The following TXNDC15 variants were observed in gnomAD, a reference collection of about 807,000 sequenced individuals.
TXNDC15 encodes the protein thioredoxin domain containing 15.
In TXNDC15, 24 loss-of-function variants were observed where a neutral mutation model predicts 35.0. The observed-to-expected ratio is 0.68, with a 90% CI of 0.50 to 0.96. The LOEUF (loss-of-function observed/expected upper bound fraction) is 0.96, where lower values mean the gene tolerates loss of function less well. TXNDC15 is among the 40% of genes least tolerant of loss of function. The pLI is 0.00. For synonymous variants in TXNDC15, 169 were observed against 174.0 expected (o/e 0.97, Z 0.23); for missense variants, 385 against 453.3 (o/e 0.85, Z 1.37).
At chr5:134,883,587 C>CAAAAAAAAAAAAAAAAAAAAAAAAA (rs60114636) in intron 1 of TXNDC15, among the ~76,000 whole-genome samples, 6 of 65,382 alleles carry the variant, frequency 9.2e-5, no homozygotes, top group African/African-American at 3.8e-4. Flanking sequence ...GACCCTGTCT[C>CAAAAAAAAAAAAAAAAAAAAAAAAA]AAAAAAAAAA....
intron 2 of TXNDC15, among the ~76,000 whole-genome samples, chr5:134,888,683 T>C (rs996054599): frequency 7.2e-5 from 11 of 152,158 alleles, no homozygotes; most frequent in Non-Finnish European, 1.0e-4. Flanking sequence ...GGTTTCACCA[T>C]GTTGGCCAGG....
chr5:134,889,870 T>TA (rs1383579597), intron 2 of TXNDC15, among the ~76,000 whole-genome samples: 1 of 152,238 alleles, frequency 6.6e-6, no homozygotes, highest in Non-Finnish European at 1.5e-5. Flanking sequence ...GCATTATGTT[T>TA]AAAAAATGTA....
chr5:134,899,602 A>G lies in TXNDC15; in HGVS notation c.1000A>G (p.Ile334Val), dbSNP rs779961135. 1.2e-6 allele frequency: 2 copies of G among 1,613,922 alleles called. No homozygotes were observed. The highest frequency in any genetic ancestry group is 1.1e-5 in the South Asian group (1 of 91,008). ...GCTTGTATTTTCCTTATTCTTTTTA[A>G]TTAGTTTTATTATGTATGCTACCAT... is the stretch of plus-strand genomic sequence containing the variant. ...WLLVFSLFFL[I>V]SFIMYATIRT... Residue 334 changes from isoleucine (I) to valine (V), a missense_variant, in exon 5 of 5, where the codon ATT (isoleucine) becomes GTT (valine). By Grantham distance (29) the Ile-to-Val change is conservative (BLOSUM62 3). Coordinates refer to ENST00000358387, the MANE Select transcript of TXNDC15 (RefSeq NM_024715.4).
chr5:134,898,394 T>A (rs1394213126), intron 4 of TXNDC15, among the ~76,000 whole-genome samples: 2 of 152,220 alleles, frequency 1.3e-5, no homozygotes, highest in Non-Finnish European at 2.9e-5. Flanking sequence ...AAAAATTACC[T>A]CCATTGGAAA....
chr5:134,887,753 G>A lies in TXNDC15; in HGVS notation c.162G>A (p.Val54=), dbSNP rs17849505. The change falls in exon 2 of 5, where the codon GTG becomes GTA. Residue 54 remains valine (V), a synonymous_variant. Coordinates refer to ENST00000358387, the MANE Select transcript of TXNDC15 (RefSeq NM_024715.4). The part of the protein sequence containing the change: ...SEEQPAHPLQ[V]GAVYLGEEEL... ...AGCAGCCTGCTCACCCTCTCCAGGT[G>A]GGGGCTGTGTACCTGGGTGAGGAGG... The A allele has an allele frequency of 1.2e-6, 2 of 1,612,876 alleles. No homozygotes were observed. The highest frequency in any genetic ancestry group is 1.7e-6 in the Non-Finnish European group (2 of 1,178,978).
intron 3 of TXNDC15, 144 bp downstream of exon 3, chr5:134,893,799 G>C (rs1039732012): frequency 9.0e-6 from 10 of 1,112,634 alleles, no homozygotes; most frequent in Admixed American, 2.2e-5. Flanking sequence ...AGTGAATAGT[G>C]AGGATTATCA....
intron 1 of TXNDC15, among the ~76,000 whole-genome samples, chr5:134,879,862 C>T (rs1436556595): frequency 6.9e-6 from 1 of 144,484 alleles, no homozygotes; most frequent in Non-Finnish European, 1.5e-5. Context: ...TGGCGTGATT[C>T]TCGGCTCACT....
At chr5:134,885,961 C>G (rs1340175399) in intron 1 of TXNDC15, among the ~76,000 whole-genome samples, 1 of 152,196 alleles carries the variant, frequency 6.6e-6, no homozygotes, top group Non-Finnish European at 1.5e-5. Flanking sequence ...CCACAGAGCT[C>G]TATGCCCTAG....
intron 1 of TXNDC15, among the ~76,000 whole-genome samples, chr5:134,877,302 G>A (rs1750052370): frequency 6.6e-6 from 1 of 152,180 alleles, no homozygotes; most frequent in Admixed American, 6.5e-5. Flanking sequence ...AGGTGAGAGT[G>A]CAGACAGAGG....
At chr5:134,875,291 C>G in intron 1 of TXNDC15, 5 of 456,212 alleles carry the variant, frequency 1.1e-5, no homozygotes, top group South Asian at 7.7e-5. Context: ...AAAGTCCAGA[C>G]CCTCGGTCTC....
chr5:134,882,301 C>T (rs1580859704), intron 1 of TXNDC15, among the ~76,000 whole-genome samples: 1 of 151,372 alleles, frequency 6.6e-6, no homozygotes, highest in African/African-American at 2.4e-5. Context: ...CGGGAAGAGG[C>T]GCTCCTCATT....
intron 3 of TXNDC15, 90 bp downstream of exon 3, chr5:134,893,745 GA>G (rs781769848): frequency 4.4e-4 from 678 of 1,531,634 alleles, no homozygotes; most frequent in Non-Finnish European, 5.4e-4. Flanking sequence ...AGAAGCAGAA[GA>G]GGGGGGGCAT....
intron 1 of TXNDC15, 131 bp from the exon 2 acceptor site, chr5:134,887,564 C>T (rs1278829127): frequency 9.7e-6 from 11 of 1,134,330 alleles, no homozygotes; most frequent in Non-Finnish European, 2.5e-6. Context: ...GAGTAGCTCT[C>T]TGATAGTTTA....
intron 2 of TXNDC15, chr5:134,892,150 A>G (rs190043359): frequency 7.9e-5 from 12 of 152,032 alleles, no homozygotes; most frequent in African/African-American, 2.7e-4. Context: ...GTTCTGGGTA[A>G]GTTGTTGCAG....
chr5:134,883,939 C>T (rs1479094210), intron 1 of TXNDC15, among the ~76,000 whole-genome samples: 1 of 147,796 alleles, frequency 6.8e-6, no homozygotes, highest in Non-Finnish European at 1.5e-5. Flanking sequence ...GGAAAGAAAG[C>T]CAGGCGCGGT....
At position 134,899,189 on chromosome 5, in the gene TXNDC15, C is replaced by G. The variant is rs773313406; in HGVS notation, c.887-300C>G. Among the ~76,000 whole-genome samples the G allele has an allele frequency of 2.6e-4, 39 of 152,066 alleles. 1 individual carries two copies. The highest frequency in any genetic ancestry group is 5.9e-5 in the Non-Finnish European group (4 of 68,016). On this transcript the variant is annotated intron_variant, in intron 4 of 4. Coordinates refer to ENST00000358387, the MANE Select transcript of TXNDC15 (RefSeq NM_024715.4). ...TACTGAACTTTGGTCTCAAAAGACA[C>G]CAAAATACAACTCTTATAAACACAT...
At chr5:134,886,920 C>G (rs1202945199) in intron 1 of TXNDC15, among the ~76,000 whole-genome samples, 1 of 152,186 alleles carries the variant, frequency 6.6e-6, no homozygotes, top group African/African-American at 2.4e-5. Flanking sequence ...CTTGGTAACC[C>G]TTGTCTTGCC....
At position 134,874,373 on chromosome 5, in the gene TXNDC15, C is replaced by A; in HGVS notation, c.-55C>A. 3 of 1,479,332 alleles carry A rather than the reference C, an allele frequency of 2.0e-6. No homozygotes were observed. The Admixed American group carries it at 6.0e-5, about 30-fold the overall frequency. 91.6% of individuals were successfully genotyped at this position (1,479,332 alleles called of 1,614,324 possible). A position where few individuals can be genotyped will look rare whatever the true frequency, so the allele number is the denominator to read the frequency against. ...CAGGCTCTCCTCCCCCAGCCTTCCTCCGGCTGGCAGCACGACTCGCGTAGC... is the reference window on the plus strand; with the variant it reads ...CAGGCTCTCCTCCCCCAGCCTTCCTACGGCTGGCAGCACGACTCGCGTAGC... On this transcript the variant is annotated 5_prime_UTR_variant, in exon 1 of 5. Coordinates refer to ENST00000358387, the MANE Select transcript of TXNDC15 (RefSeq NM_024715.4).
chr5:134,895,897 G>A (rs1460275978), intron 3 of TXNDC15: 1 of 187,902 alleles, frequency 5.3e-6, no homozygotes, highest in Non-Finnish European at 1.1e-5. Flanking sequence ...ATTGCCTACT[G>A]TAAGTTGATC....
Sources: allele counts gnomAD v4.1 joint callset (sites outside exome capture counted in the v4.1 genomes callset), GRCh38; gene constraint gnomAD v4.1.1; transcripts MANE v1.5; gene names NCBI Gene and HGNC (gene_info 2026-07-23, HGNC 2026-07-21).